Variants in KCNQ3 observed in about 807,000 individuals in gnomAD.
KCNQ3 encodes potassium voltage-gated channel subfamily KQT member 3.
A neutral mutation model predicts 92.5 loss-of-function variants in KCNQ3; 30 were observed. The observed-to-expected ratio is 0.32, with a 90% CI of 0.24 to 0.44. The LOEUF (loss-of-function observed/expected upper bound fraction) is 0.44, where lower values mean the gene tolerates loss of function less well. Among genes scored for constraint, KCNQ3 ranks in the 20% least tolerant of loss-of-function variants. The pLI, the probability that KCNQ3 is intolerant of heterozygous loss-of-function variation, is 1.00. For missense variants in KCNQ3, 913 were observed against 1,140.3 expected (o/e 0.80, Z 2.87); for synonymous variants, 450 against 468.8 (o/e 0.96, Z 0.52).
chr8:132,330,399 C>T (rs575279336), intron 1 of KCNQ3, among the ~76,000 whole-genome samples: 40 of 152,214 alleles, frequency 2.6e-4, no homozygotes, highest in African/African-American at 8.2e-4. Context: ...AGTTTAAATG[C>T]CATTTGCTCG....
intron 1 of KCNQ3, among the ~76,000 whole-genome samples, chr8:132,411,114 C>G (rs1586996224): frequency 1.3e-5 from 2 of 152,314 alleles, no homozygotes; most frequent in South Asian, 4.2e-4. Context: ...TGCTGAAAAC[C>G]CATTGTGAGA....
At chr8:132,260,685 G>A (rs10505594) in intron 1 of KCNQ3, among the ~76,000 whole-genome samples, 123,168 of 152,068 alleles carry the variant, frequency 0.81, 50,088 homozygotes, top group African/African-American at 0.89. Context: ...TACAGCAGCT[G>A]AAATTAAGTG....
At chr8:132,289,633 G>A (rs995035475) in intron 1 of KCNQ3, among the ~76,000 whole-genome samples, 2 of 152,288 alleles carry the variant, frequency 1.3e-5, no homozygotes, top group African/African-American at 2.4e-5. Flanking sequence ...CCCATCTCAA[G>A]ATCCTTAACT....
chr8:132,348,447 G>T (rs778579968), intron 1 of KCNQ3, among the ~76,000 whole-genome samples: 3 of 152,234 alleles, frequency 2.0e-5, no homozygotes, highest in Non-Finnish European at 4.4e-5. Context: ...GGGAAATCCA[G>T]TGGGGCACTG....
At chr8:132,272,501 T>C (rs1386002528) in intron 1 of KCNQ3, among the ~76,000 whole-genome samples, 1 of 152,186 alleles carries the variant, frequency 6.6e-6, no homozygotes, top group Non-Finnish European at 1.5e-5. Flanking sequence ...ATGCTGTTGA[T>C]AAAGACATAC....
At chr8:132,300,730 T>C (rs183852744) in intron 1 of KCNQ3, among the ~76,000 whole-genome samples, 10 of 152,262 alleles carry the variant, frequency 6.6e-5, no homozygotes, top group African/African-American at 2.4e-4. Context: ...ATAAAAGATG[T>C]TTTAAACTGT....
chr8:132,218,295 T>G (rs1018301254), intron 1 of KCNQ3, among the ~76,000 whole-genome samples: 1 of 152,164 alleles, frequency 6.6e-6, no homozygotes, highest in Non-Finnish European at 1.5e-5. Flanking sequence ...ACAGGATGGA[T>G]GGCGCATAAA....
intron 1 of KCNQ3, among the ~76,000 whole-genome samples, chr8:132,464,832 A>G (rs1822135755): frequency 6.6e-6 from 1 of 152,184 alleles, no homozygotes; most frequent in African/African-American, 2.4e-5. Flanking sequence ...GTCCCTCAAG[A>G]GCAGAAACTG....
rs1430956288 is a variant in KCNQ3 at position 132,395,276 on chromosome 8, A to G, written c.386+84871T>C. 2.6e-5 allele frequency among the ~76,000 whole-genome samples: 4 copies of G among 152,206 alleles called. No individual in the cohort carries two copies. The East Asian group carries it at 7.7e-4, about 29-fold the overall frequency. On this transcript the variant is annotated intron_variant, in intron 1 of 14. Transcript: ENST00000388996. ...TGATTTCTTTGTGTTGAGAACATTC[A>G]ATATCCCCCTTCTAGCAATTTGAAA...
intron 1 of KCNQ3, among the ~76,000 whole-genome samples, chr8:132,389,728 G>A (rs1819998194): frequency 6.6e-6 from 1 of 152,166 alleles, no homozygotes; most frequent in South Asian, 2.1e-4. Context: ...ACAAGACACT[G>A]CCACATACCC....
chr8:132,233,426 A>C (rs1814703938), intron 1 of KCNQ3, among the ~76,000 whole-genome samples: 1 of 152,192 alleles, frequency 6.6e-6, no homozygotes, highest in African/African-American at 2.4e-5. Flanking sequence ...AAGTTGACCT[A>C]ATAGTTGCCA....
chr8:132,316,279 G>C lies in KCNQ3; in HGVS notation c.387-130098C>G, dbSNP rs73710516. Among the ~76,000 whole-genome samples the C allele has an allele frequency of 8.2e-3, 1,241 of 152,138 alleles. 17 individuals are homozygous for C. Among genetic ancestry groups the C allele is most frequent in the African/African-American group, 0.029 (1,194 of 41,498 alleles). On this transcript the variant is annotated intron_variant, in intron 1 of 14. Coordinates refer to ENST00000388996, the MANE Select transcript of KCNQ3 (RefSeq NM_004519.4). The stretch of plus-strand genomic sequence containing the variant: ...TACATGTTCAACTTGCCTCCTCTCC[G>C]CTGAAGAGTTCCTATCTTCTCCCCT...
intron 1 of KCNQ3, among the ~76,000 whole-genome samples, chr8:132,187,384 C>T (rs1827004689): frequency 6.6e-6 from 1 of 152,162 alleles, no homozygotes; most frequent in Non-Finnish European, 1.5e-5. Context: ...GAAATGTCTC[C>T]TTCTGACCTT....
intron 1 of KCNQ3, among the ~76,000 whole-genome samples, chr8:132,381,190 C>T (rs1819741772): frequency 6.6e-6 from 1 of 152,196 alleles, no homozygotes; most frequent in African/African-American, 2.4e-5. Context: ...AGAGGTTAGG[C>T]CACTGGCTTT....
chr8:132,450,454 C>A (rs994217637), intron 1 of KCNQ3, among the ~76,000 whole-genome samples: 2 of 152,184 alleles, frequency 1.3e-5, no homozygotes, highest in African/African-American at 4.8e-5. Context: ...CAGAAAAGTT[C>A]TCCAAGTCCC....
At chr8:132,196,799 A>AAATAGACTTGATTTCAGACC (rs1460779899) in intron 1 of KCNQ3, among the ~76,000 whole-genome samples, 2 of 152,206 alleles carry the variant, frequency 1.3e-5, no homozygotes, top group East Asian at 3.8e-4. Flanking sequence ...TTTCAAAGAT[A>AAATAGACTTGATTTCAGACC]AATAGACTTG....
Position 132,281,240 on chromosome 8 carries a change from A to G in KCNQ3, c.387-95059T>C, listed in dbSNP as rs1816502358. Among the ~76,000 whole-genome samples the G allele has an allele frequency of 2.0e-5, 3 of 152,106 alleles. No homozygotes were observed. The South Asian group carries it at 6.2e-4, about 32-fold the overall frequency. ...AATACCATGTGCCCTTCCTTTAGGA[A>G]AGCTCTGTCTCCTGAAAACACAGTT... On this transcript the variant is annotated intron_variant, in intron 1 of 14. Coordinates refer to ENST00000388996, the MANE Select transcript of KCNQ3 (RefSeq NM_004519.4).
intron 1 of KCNQ3, among the ~76,000 whole-genome samples, chr8:132,459,721 A>G (rs1193780636): frequency 6.6e-6 from 1 of 151,148 alleles, no homozygotes; most frequent in East Asian, 1.9e-4. Flanking sequence ...TCCATTATAA[A>G]GTTTTCTTTT....
chr8:132,302,041 G>A (rs908482634), intron 1 of KCNQ3, among the ~76,000 whole-genome samples: 2 of 152,180 alleles, frequency 1.3e-5, no homozygotes, highest in African/African-American at 4.8e-5. Flanking sequence ...GAGTGGGGCT[G>A]GAAGACCAGT....
Sources: allele counts gnomAD v4.1 joint callset (sites outside exome capture counted in the v4.1 genomes callset), GRCh38; gene constraint gnomAD v4.1.1; transcripts MANE v1.5; gene names NCBI Gene and HGNC (gene_info 2026-07-23, HGNC 2026-07-21).